ICA1L: variants seen among roughly 807,000 people sequenced by gnomAD.
ICA1L encodes islet cell autoantigen 1 like.
In ICA1L, 50 loss-of-function variants were observed where a neutral mutation model predicts 61.3. That is an observed-to-expected ratio of 0.82 (90% CI 0.65 to 1.03). The LOEUF (loss-of-function observed/expected upper bound fraction) is 1.03, where lower values mean the gene tolerates loss of function less well. Among genes scored for constraint, ICA1L ranks in the 50% least tolerant of loss-of-function variants. The pLI, the probability that ICA1L is intolerant of heterozygous loss-of-function variation, is 0.00. For synonymous variants in ICA1L, 161 were observed against 191.3 expected (o/e 0.84, Z 1.31); for missense variants, 508 against 556.7 (o/e 0.91, Z 0.88).
chr2:202,809,408 G>A lies in ICA1L; in HGVS notation c.910+2338C>T, dbSNP rs7609053. ...CCCACGCCTGTAATCCCAGTACTTC[G>A]AGAGGCCAAGCGGGTGGATCACCTG... On this transcript the variant is annotated intron_variant, in intron 9 of 12. Transcript: ENST00000358299. 1.5e-3 allele frequency among the ~76,000 whole-genome samples: 227 copies of A among 152,112 alleles called. 2 individuals carry two copies. The highest frequency in any genetic ancestry group is 5.3e-3 in the African/African-American group (220 of 41,502).
chr2:202,859,306 T>C (rs1178809700), intron 1 of ICA1L, among the ~76,000 whole-genome samples: 1 of 152,238 alleles, frequency 6.6e-6, no homozygotes, highest in Non-Finnish European at 1.5e-5. Context: ...AATTACTGTT[T>C]AGCCAAACAT....
At chr2:202,840,237 C>T in intron 1 of ICA1L, 1 of 429,146 alleles carries the variant, frequency 2.3e-6, no homozygotes, top group Non-Finnish European at 4.6e-6. Flanking sequence ...TCAGGTGGGT[C>T]TCCTGTTCCC....
At position 202,773,863 on chromosome 2, in the gene ICA1L, A is replaced by T. The variant is rs1692131180; in HGVS notation, c.*5670T>A. On this transcript the variant is annotated 3_prime_UTR_variant, in exon 13 of 13. Coordinates refer to ENST00000358299, the MANE Select transcript of ICA1L (RefSeq NM_001288622.3). The stretch of plus-strand genomic sequence containing the variant: ...CCCTGTGGGAAGTTTTCTTCTACAG[A>T]GGCTGAGTGGAACAGTCCTGCTAAA... The T allele has an allele frequency of 7.6e-7, 1 of 1,321,460 alleles. No individual in the cohort carries two copies. Among genetic ancestry groups the T allele is most frequent in the Non-Finnish European group, 1.1e-6 (1 of 917,114 alleles). The allele number at this position is 1,321,460 out of a possible 1,614,324, so 81.9% of individuals were successfully genotyped here.
intron 1 of ICA1L, among the ~76,000 whole-genome samples, chr2:202,867,894 C>T (rs911138068): frequency 1.3e-5 from 2 of 152,176 alleles, no homozygotes; most frequent in African/African-American, 4.8e-5. Context: ...GCCCAAAGAC[C>T]TGTAAATGTT....
chr2:202,783,913 G>A (rs1319690136), intron 12 of ICA1L, among the ~76,000 whole-genome samples: 1 of 151,326 alleles, frequency 6.6e-6, no homozygotes, highest in Non-Finnish European at 1.5e-5. Flanking sequence ...ATGGGGGGGT[G>A]GGGAAGAAAG....
chr2:202,864,479 C>T (rs532056525), intron 1 of ICA1L, among the ~76,000 whole-genome samples: 32 of 152,066 alleles, frequency 2.1e-4, no homozygotes, highest in Admixed American at 5.9e-4. Context: ...GTGATCCACC[C>T]GCCTCGGCCT....
At position 202,788,841 on chromosome 2, in the gene ICA1L, C is replaced by T. The variant is rs760268593; in HGVS notation, c.1232G>A (p.Gly411Glu). 6.2e-7 allele frequency: 1 copy of T among 1,613,850 alleles called. No homozygotes were observed. The highest frequency in any genetic ancestry group is 8.5e-7 in the Non-Finnish European group (1 of 1,180,004). The change falls in exon 11 of 13, where the codon GGA becomes GAA. Residue 411 changes from glycine (G) to glutamate (E), a missense_variant. Coordinates refer to ENST00000358299, the MANE Select transcript of ICA1L (RefSeq NM_001288622.3). ...QLFDLGFHVAGAFNNWVSQEE... is the reference protein window; with the variant it reads ...QLFDLGFHVAEAFNNWVSQEE... Reference sequence around the variant, plus strand: ...TCATAGACACTTACTGTTGAACGCTCCAGCCACATGAAAGCCAAGGTCAAA... The same window carrying T: ...TCATAGACACTTACTGTTGAACGCTTCAGCCACATGAAAGCCAAGGTCAAA...
At chr2:202,823,672 G>A (rs1350704651) in intron 3 of ICA1L, among the ~76,000 whole-genome samples, 2 of 152,074 alleles carry the variant, frequency 1.3e-5, no homozygotes, top group African/African-American at 4.8e-5. Context: ...TAAACTCCAA[G>A]TCTCTTCTCT....
At chr2:202,798,403 T>TAATTTTTTTA (rs1170412799) in intron 9 of ICA1L, among the ~76,000 whole-genome samples, 1 of 152,122 alleles carries the variant, frequency 6.6e-6, no homozygotes, top group African/African-American at 2.4e-5. Flanking sequence ...CATACCTGAA[T>TAATTTTTTTA]AATTTTTTTA....
rs756769232 is a variant in ICA1L, at chr2:202,789,096, T to C, written c.986-9A>G. On this transcript the variant is annotated splice_polypyrimidine_tract_variant and intron_variant, in intron 10 of 12. Transcript: ENST00000358299. ...AGGTAGATCTTTTGCAACTATTGAG[T>C]GTAAATAAAAACAGAAAGGCTTTTT... 6.3e-7 allele frequency: 1 copy of C among 1,589,512 alleles called. No homozygotes were observed.
At position 202,797,094 on chromosome 2, in the gene ICA1L, CAT is replaced by C. The variant is rs1322798069; in HGVS notation, c.911-132_911-131del. The C allele has an allele frequency of 1.3e-5, 7 of 531,842 alleles. No homozygotes were observed. In the East Asian group the frequency reaches 1.8e-4, roughly 14 times the overall value. The allele number at this position is 531,842 out of a possible 1,614,324, so 32.9% of individuals were successfully genotyped here. On this transcript the variant is annotated intron_variant, in intron 9 of 12. Coordinates refer to ENST00000358299, the MANE Select transcript of ICA1L (RefSeq NM_001288622.3). ...GAATCGAAAACATACAAAAGGGAAA[CAT>C]AAAAATTTAAATAATCTTATATATA...
At chr2:202,827,310 T>C (rs1224648536) in intron 2 of ICA1L, among the ~76,000 whole-genome samples, 1 of 151,994 alleles carries the variant, frequency 6.6e-6, no homozygotes, top group Admixed American at 6.6e-5. Flanking sequence ...GGAGAATCGC[T>C]TGAACCCGGG....
chr2:202,863,563 G>A (rs567166762), intron 1 of ICA1L, among the ~76,000 whole-genome samples: 3 of 152,110 alleles, frequency 2.0e-5, no homozygotes, highest in South Asian at 2.1e-4. Flanking sequence ...GGTGGCTCAC[G>A]CCTGTAATCC....
intron 1 of ICA1L, among the ~76,000 whole-genome samples, chr2:202,845,397 C>T (rs1016826025): frequency 6.6e-5 from 10 of 152,080 alleles, no homozygotes; most frequent in East Asian, 1.9e-4. Flanking sequence ...GAGGCCAAGG[C>T]GGGTGAATTA....
At chr2:202,838,814 G>T (rs1694227269) in intron 1 of ICA1L, among the ~76,000 whole-genome samples, 1 of 152,192 alleles carries the variant, frequency 6.6e-6, no homozygotes, top group African/African-American at 2.4e-5. Context: ...TACGGTGCTA[G>T]CACTGCTTCT....
chr2:202,774,490 T>C lies in ICA1L; in HGVS notation c.*5043A>G, dbSNP rs930376861. ...TTCATGTTTTTTGTATGTGTTTTTT[T>C]AGGTTATGGTCAGTGAGGTTTAGCC... On this transcript the variant is annotated 3_prime_UTR_variant, in exon 13 of 13. Transcript: ENST00000358299. The C allele has an allele frequency of 2.2e-6, 1 of 461,896 alleles. No homozygotes were observed. Among genetic ancestry groups the C allele is most frequent in the Non-Finnish European group, 3.7e-6 (1 of 268,622 alleles). The allele number at this position is 461,896 out of a possible 1,614,324, so 28.6% of individuals were successfully genotyped here.
chr2:202,825,383 T>A, intron 3 of ICA1L: 1 of 279,270 alleles, frequency 3.6e-6, no homozygotes, highest in Non-Finnish European at 6.0e-6. Flanking sequence ...GGTGGGAGGA[T>A]CACTTGAGCC....
chr2:202,781,509 G>C (rs556974598), intron 12 of ICA1L, among the ~76,000 whole-genome samples: 32 of 151,536 alleles, frequency 2.1e-4, no homozygotes, highest in Non-Finnish European at 4.3e-4. Context: ...GGGAGGCAGA[G>C]GTTGCAGTGA....
chr2:202,812,720 C>T (rs1358900360), intron 8 of ICA1L, among the ~76,000 whole-genome samples: 1 of 152,064 alleles, frequency 6.6e-6, no homozygotes, highest in Non-Finnish European at 1.5e-5. Context: ...AAATACTACA[C>T]AAATAAACCT....
Sources: gnomAD v4.1 joint callset for allele counts (sites outside exome capture counted in the v4.1 genomes callset) on GRCh38, gnomAD v4.1.1 for gene constraint, MANE v1.5 for transcripts, NCBI Gene and HGNC (gene_info 2026-07-23, HGNC 2026-07-21) for gene names.